The following POFUT3 variants were observed in gnomAD, a reference collection of about 807,000 sequenced individuals.
POFUT3 encodes the protein GDP-fucose protein O-fucosyltransferase 3.
At chr8:33,403,156 G>C in the POFUT3 span, among the ~76,000 whole-genome samples, 1 of 152,036 alleles carries the variant, frequency 6.6e-6, no homozygotes, top group Non-Finnish European at 1.5e-5. Flanking sequence ...GAAGGAAAGG[G>C]GGTAGAAAGA....
chr8:33,351,488 A>T, the POFUT3 span, among the ~76,000 whole-genome samples: 1 of 151,898 alleles, frequency 6.6e-6, no homozygotes, highest in Non-Finnish European at 1.5e-5. Context: ...TATTCTCAAG[A>T]GCTGGTTGTT....
chr8:33,472,079 A>G, the POFUT3 span, among the ~76,000 whole-genome samples: 3 of 152,320 alleles, frequency 2.0e-5, no homozygotes, highest in Admixed American at 2.0e-4. Context: ...GACGTTACTA[A>G]CAAGCCCAAG....
the POFUT3 span, among the ~76,000 whole-genome samples, chr8:33,450,106 A>C: frequency 6.6e-6 from 1 of 151,688 alleles, no homozygotes; most frequent in South Asian, 2.1e-4. Flanking sequence ...ACGCCCAGCT[A>C]TTTTTAGTAT....
At chr8:33,430,146 T>A in the POFUT3 span, among the ~76,000 whole-genome samples, 2 of 151,956 alleles carry the variant, frequency 1.3e-5, no homozygotes, top group African/African-American at 4.8e-5. Flanking sequence ...ACGACTTGTA[T>A]GAGCATTATG....
the POFUT3 span, among the ~76,000 whole-genome samples, chr8:33,322,886 C>T: frequency 1.3e-5 from 2 of 151,864 alleles, no homozygotes; most frequent in Non-Finnish European, 2.9e-5. Context: ...TTTTTTCCTT[C>T]AGAGCTCACT....
the POFUT3 span, among the ~76,000 whole-genome samples, chr8:33,467,637 AGT>A: frequency 6.6e-6 from 1 of 152,320 alleles, no homozygotes; most frequent in African/African-American, 2.4e-5. Flanking sequence ...TGCTGCACAG[AGT>A]GGGGTTTGGA....
chr8:33,372,264 A>G, the POFUT3 span: 2 of 1,073,854 alleles, frequency 1.9e-6, no homozygotes, highest in Non-Finnish European at 2.3e-6. Context: ...GTCTCCCTCC[A>G]TTGCACAAGG....
At chr8:33,465,220 A>G in the POFUT3 span, among the ~76,000 whole-genome samples, 1 of 152,198 alleles carries the variant, frequency 6.6e-6, no homozygotes, top group Non-Finnish European at 1.5e-5. Context: ...GTAAAATAAT[A>G]TCACCTACTA....
the POFUT3 span, among the ~76,000 whole-genome samples, chr8:33,393,469 T>G: frequency 3.3e-5 from 5 of 152,204 alleles, no homozygotes; most frequent in Non-Finnish European, 5.9e-5. Flanking sequence ...GGGTGGCAGA[T>G]TGCTGACTAT....
chr8:33,334,481 G>T, the POFUT3 span, among the ~76,000 whole-genome samples: 1 of 152,186 alleles, frequency 6.6e-6, no homozygotes, highest in African/African-American at 2.4e-5. Context: ...GCCTCCTAAA[G>T]TGCTGGGATT....
the POFUT3 span, chr8:33,436,291 ACT>A: frequency 2.0e-5 from 27 of 1,346,638 alleles, no homozygotes; most frequent in African/African-American, 1.1e-4. Context: ...CCACTGTGAA[ACT>A]CTGTGTTATC....
the POFUT3 span, among the ~76,000 whole-genome samples, chr8:33,413,571 G>A: frequency 0.3 from 45,900 of 151,802 alleles, 7,050 homozygotes; most frequent in South Asian, 0.44. Context: ...CAGCCCAAAC[G>A]GACAAAGACA....
chr8:33,324,996 A>G, the POFUT3 span, among the ~76,000 whole-genome samples: 1 of 152,244 alleles, frequency 6.6e-6, no homozygotes, highest in Admixed American at 6.5e-5. Context: ...TCCTTCAACA[A>G]TACTGGCAGA....
chr8:33,387,405 C>T, the POFUT3 span, among the ~76,000 whole-genome samples: 1 of 151,902 alleles, frequency 6.6e-6, no homozygotes, highest in Non-Finnish European at 1.5e-5. Flanking sequence ...ACATACAATA[C>T]CTAAAGATAA....
the POFUT3 span, among the ~76,000 whole-genome samples, chr8:33,461,191 A>AAGGGAGAGAGGG: frequency 1.1e-4 from 3 of 26,326 alleles, no homozygotes; most frequent in African/African-American, 2.8e-4. Context: ...GGAAGGAAGG[A>AAGGGAGAGAGGG]AGGGAGGGAG....
At chr8:33,355,560 G>T in the POFUT3 span, among the ~76,000 whole-genome samples, 27 of 152,240 alleles carry the variant, frequency 1.8e-4, no homozygotes, top group African/African-American at 6.5e-4. Flanking sequence ...ACCAACTTGG[G>T]TTTGAAATTT....
chr8:33,431,937 C>T, the POFUT3 span, among the ~76,000 whole-genome samples: 1 of 152,092 alleles, frequency 6.6e-6, no homozygotes, highest in Non-Finnish European at 1.5e-5. Context: ...AACACATTCC[C>T]TCTGAGGGAC....
At chr8:33,466,943 A>G in the POFUT3 span, among the ~76,000 whole-genome samples, 7 of 152,112 alleles carry the variant, frequency 4.6e-5, no homozygotes, top group African/African-American at 1.7e-4. Flanking sequence ...TGTCTCTACT[A>G]AAAATACAAA....
the POFUT3 span, chr8:33,460,809 G>A: frequency 3.2e-6 from 3 of 927,416 alleles, no homozygotes; most frequent in Non-Finnish European, 3.9e-6. Context: ...AATTGGAAGG[G>A]TCTCCCTGCC....
Sources: gnomAD v4.1 joint callset for allele counts (sites outside exome capture counted in the v4.1 genomes callset) on GRCh38, gnomAD v4.1.1 for gene constraint, MANE v1.5 for transcripts, NCBI Gene and HGNC (gene_info 2026-07-23, HGNC 2026-07-21) for gene names.